Variants in TTN observed in about 807,000 individuals in gnomAD.
TTN encodes the protein connectin.
A neutral mutation model predicts 3,223.0 loss-of-function variants in TTN; 1,525 were observed. The observed-to-expected ratio is 0.47, with a 90% CI of 0.45 to 0.49. The LOEUF (loss-of-function observed/expected upper bound fraction) is 0.49. Among genes scored for constraint, TTN ranks in the 20% least tolerant of loss-of-function variants. The pLI, the probability that TTN is intolerant of heterozygous loss-of-function variation, is 0.00. For synonymous variants in TTN, 14,094 were observed against 15,161.0 expected (o/e 0.93, Z 5.17); for missense variants, 40,786 against 43,424.0 (o/e 0.94, Z 5.40).
rs1053049218 is a variant in TTN at position 178,673,515 on chromosome 2, T to C, written c.34786+118A>G. The stretch of plus-strand genomic sequence containing the variant: ...ATGGAATGAGTTATATTTTTACTGG[T>C]CCTTAATCAGTTCACTATCTAAATG... On this transcript the variant is annotated intron_variant, in intron 152 of 362. Transcript: ENST00000589042. 3.1e-5 allele frequency: 20 copies of C among 649,946 alleles called. No individual in the cohort carries two copies. In the African/African-American group the frequency reaches 3.6e-4, roughly 12 times the overall value. The allele number at this position is 649,946 out of a possible 1,614,324, so 40.3% of individuals were successfully genotyped here.
chr2:178,537,111 G>C lies in TTN; in HGVS notation c.99998C>G (p.Ala33333Gly), dbSNP rs746653975. ...CAATTGCCATTCAGCCCCCTCCTTG[G>C]CCTCACATTTTTCCACCACATAGTT... The part of the protein sequence containing the change: ...ITNYVVEKCE[A>G]KEGAEWQLVS... The change falls in exon 356 of 363, where the codon GCC becomes GGC. Residue 33333 changes from alanine (A) to glycine (G), a missense_variant. Physicochemically the swap from Ala to Gly is moderately conservative, Grantham distance 60. Transcript: ENST00000589042. 1 of 1,613,228 alleles carries C rather than the reference G, an allele frequency of 6.2e-7. No homozygotes were observed. The highest frequency in any genetic ancestry group is 1.7e-5 in the Admixed American group (1 of 59,916).
Position 178,807,352 on chromosome 2 carries a change from T to A in TTN, c.-154A>T, listed in dbSNP as rs2094356389. On this transcript the variant is annotated 5_prime_UTR_variant, in exon 1 of 363. Coordinates refer to ENST00000589042, the MANE Select transcript of TTN (RefSeq NM_001267550.2). ...TAATCCTAAAAACAAAACTACACAG[T>A]CAAGACTGTGTAGTTTTGCTTTTCT... The A allele has an allele frequency of 6.6e-6, 1 of 152,108 alleles. No individual in the cohort carries two copies. The highest frequency in any genetic ancestry group is 6.5e-5 in the Admixed American group (1 of 15,286). The allele number at this position is 152,108 out of a possible 1,614,324, so 9.4% of individuals were successfully genotyped here.
At position 178,797,693 on chromosome 2, in the gene TTN, T is replaced by C. The variant is rs182414736; in HGVS notation, c.914+1794A>G. Among the ~76,000 whole-genome samples the C allele has an allele frequency of 4.8e-3, 735 of 152,280 alleles. 9 individuals are homozygous for C. The highest frequency in any genetic ancestry group is 0.017 in the African/African-American group (705 of 41,576). ...TTTTATGTTTATTGTGATACTTTTATGGCAGAGGCAATGAAGTACCTTGAG... is the reference window on the plus strand; with the variant it reads ...TTTTATGTTTATTGTGATACTTTTACGGCAGAGGCAATGAAGTACCTTGAG... On this transcript the variant is annotated intron_variant, in intron 6 of 362. Transcript: ENST00000589042.
Position 178,675,757 on chromosome 2 carries a change from T to G in TTN, c.34454-3A>C. 2 of 1,478,488 alleles carry G rather than the reference T, an allele frequency of 1.4e-6. No individual in the cohort carries two copies. The highest frequency in any genetic ancestry group is 1.8e-6 in the Non-Finnish European group (2 of 1,120,678). The allele number at this position is 1,478,488 out of a possible 1,614,324, so 91.6% of individuals were successfully genotyped here. A position where few individuals can be genotyped will look rare whatever the true frequency, so the allele number is the denominator to read the frequency against. On this transcript the variant is annotated splice_polypyrimidine_tract_variant and splice_region_variant and intron_variant, in intron 148 of 362. Transcript: ENST00000589042. ...AGGTTTCTTAGGTACCACAGACACT[T>G]TAAAAATATTATTTTATTTTATAAG...
chr2:178,546,809 C>T lies in TTN; in HGVS notation c.94619G>A (p.Gly31540Asp). Residue 31540 changes from glycine to aspartate, a missense_variant, in exon 341 of 363, where the codon GGC becomes GAC. Gly to Asp is a moderately conservative substitution (Grantham distance 94, BLOSUM62 -1). Transcript: ENST00000589042. ...PAYDGGSKVV[G>D]YIIERKPVSE... ...GACTGGCTTACGCTCTATGATGTAG[C>T]CCACAACCTTGCTGCCTCCATCATA... 4 of 1,612,742 alleles carry T rather than the reference C, an allele frequency of 2.5e-6. No individual in the cohort carries two copies. The highest frequency in any genetic ancestry group is 3.4e-6 in the Non-Finnish European group (4 of 1,178,938).
chr2:178,547,525 T>C lies in TTN; in HGVS notation c.94101A>G (p.Gln31367=). ...ATTTTGTGAGATGAGTGACTTTAAT[T>C]TGAGTGCGCTTGACACTGGAATTGA... ...QLVNSSVKRT[Q]IKVTHLTKYM... The change falls in exon 339 of 363, where the codon CAA becomes CAG. Residue 31367 remains glutamine, a synonymous_variant. Coordinates refer to ENST00000589042, the MANE Select transcript of TTN (RefSeq NM_001267550.2). 1.9e-6 allele frequency: 3 copies of C among 1,613,748 alleles called. No individual in the cohort carries two copies. Among genetic ancestry groups the C allele is most frequent in the Middle Eastern group, 3.3e-4 (2 of 6,062 alleles).
In TTN at chr2:178,725,452, C is replaced by T; in HGVS notation, c.20752G>A (p.Glu6918Lys). 6.2e-7 allele frequency: 1 copy of T among 1,612,986 alleles called. No homozygotes were observed. Among genetic ancestry groups the T allele is most frequent in the Middle Eastern group, 1.7e-4 (1 of 6,050 alleles). The change falls in exon 71 of 363, where the codon GAG becomes AAG. Residue 6918 changes from glutamate to lysine, a missense_variant. By Grantham distance (56) the Glu-to-Lys change is moderately conservative. Transcript: ENST00000589042. ...NVATLQFAKA[E>K]PANAGKYICQ... is the part of the protein sequence containing the mutation. ...ATATACTTTCCAGCATTAGCTGGCT[C>T]TGCTTTTGCAAACTGTAGAGTTGCA...
intron 47 of TTN, chr2:178,751,332 C>T (rs1260210565): frequency 1.2e-6 from 2 of 1,609,398 alleles, no homozygotes; most frequent in Admixed American, 3.4e-5. Flanking sequence ...AAACTTTCAC[C>T]TACATTAAGC....
At chr2:178,738,494 G>A (rs981831848) in intron 48 of TTN, 134 bp from the exon 49 acceptor site, 4 of 1,080,534 alleles carry the variant, frequency 3.7e-6, no homozygotes, top group African/African-American at 3.2e-5. Flanking sequence ...GCAGTTTAAG[G>A]CAAGTGACTG....
In TTN at chr2:178,568,024, C is replaced by G. The variant is rs904868866; in HGVS notation, c.78108G>C (p.Leu26036Phe). Residue 26036 changes from leucine (L) to phenylalanine (F), a missense_variant, in exon 326 of 363, where the codon TTG becomes TTC. Transcript: ENST00000589042. ...HLERKERNSI[L>F]WTKVNKTIIH... The stretch of plus-strand genomic sequence containing the variant: ...TAATAGTTTTGTTGACCTTTGTCCA[C>G]AAAATACTGTTTCTTTCTTTTCTCT... The G allele has an allele frequency of 6.2e-7, 1 of 1,613,254 alleles. No homozygotes were observed. Among genetic ancestry groups the G allele is most frequent in the Non-Finnish European group, 8.5e-7 (1 of 1,179,592 alleles).
Position 178,547,628 on chromosome 2 carries a change from G to A in TTN, c.93998C>T (p.Pro31333Leu). The change falls in exon 339 of 363, where the codon CCT becomes CTT. Residue 31333 changes from proline to leucine, a missense_variant. Transcript: ENST00000589042. ...AESCVLSWGE[P>L]KDGGGTEITN... The stretch of plus-strand genomic sequence containing the variant: ...AATTTCAGTGCCTCCTCCATCTTTA[G>A]GTTCTCCCCATGACAGGACACACGA... The A allele has an allele frequency of 6.2e-7, 1 of 1,613,844 alleles. No individual in the cohort carries two copies. Among genetic ancestry groups the A allele is most frequent in the Non-Finnish European group, 8.5e-7 (1 of 1,179,816 alleles).
In TTN at chr2:178,590,866, C is replaced by T; in HGVS notation, c.60859G>A (p.Ala20287Thr). 6.2e-7 allele frequency: 1 copy of T among 1,609,720 alleles called. No homozygotes were observed. Among genetic ancestry groups the T allele is most frequent in the Non-Finnish European group, 8.5e-7 (1 of 1,176,544 alleles). The change falls in exon 304 of 363, where the codon GCA (alanine) becomes ACA (threonine). Residue 20287 changes from alanine to threonine, a missense_variant. Physicochemically the swap from Ala to Thr is moderately conservative, Grantham distance 58. Transcript: ENST00000589042. Reference protein sequence around the residue: ...KPVVTDITENAATVSWTLPKS... With the variant: ...KPVVTDITENTATVSWTLPKS... ...GGCAGGGTCCAAGACACTGTTGCTG[C>T]ATTTTCAGTAATGTCAGTAACCACT... is the stretch of plus-strand genomic sequence containing the variant.
rs777375916 is a variant in TTN at position 178,542,565 on chromosome 2, TATGA to T, written c.97193-6_97193-3del. ...GTCCTGTTGGTGGACCAGGCTTGTC[TATGA>T]AAGAGAAGAAATACAGGAAATTAAT... On this transcript the variant is annotated splice_region_variant and splice_polypyrimidine_tract_variant and intron_variant, in intron 348 of 362. Coordinates refer to ENST00000589042, the MANE Select transcript of TTN (RefSeq NM_001267550.2). 6.3e-6 allele frequency: 10 copies of T among 1,597,314 alleles called. No homozygotes were observed. The highest frequency in any genetic ancestry group is 8.6e-6 in the Non-Finnish European group (10 of 1,168,892).
At chr2:178,654,662 A>T (rs141949217) in intron 191 of TTN, 83 bp downstream of exon 191, 27,447 of 440,550 alleles carry the variant, frequency 0.062, 3,141 homozygotes, top group East Asian at 0.22. Flanking sequence ...TATCATCTTT[A>T]TGTAGTAGGA....
rs750298083 is a variant in TTN at position 178,573,416 on chromosome 2, A to T, written c.72716T>A (p.Met24239Lys). The T allele has an allele frequency of 9.6e-5, 146 of 1,519,826 alleles. No homozygotes were observed. Among genetic ancestry groups the T allele is most frequent in the Non-Finnish European group, 1.2e-4 (135 of 1,136,766 alleles). 94.1% of individuals were successfully genotyped at this position (1,519,826 alleles called of 1,614,324 possible). Reference sequence around the variant, plus strand: ...ATCAGGATGTCCCCAGCAGACAACCATCGAATCTTTAGTAATAGTTGTCAC... The same window carrying T: ...ATCAGGATGTCCCCAGCAGACAACCTTCGAATCTTTAGTAATAGTTGTCAC... ...PEVTTITKDSMVVCWGHPDSD... is the reference protein window; with the variant it reads ...PEVTTITKDSKVVCWGHPDSD... The change falls in exon 326 of 363, where the codon ATG becomes AAG. Residue 24239 changes from methionine (M) to lysine (K), a missense_variant. Coordinates refer to ENST00000589042, the MANE Select transcript of TTN (RefSeq NM_001267550.2).
chr2:178,641,461 A>G (rs144262455), intron 219 of TTN, 146 bp from the exon 220 acceptor site: 79 of 490,294 alleles, frequency 1.6e-4, no homozygotes, highest in African/African-American at 1.6e-3. Context: ...ATTTACACCG[A>G]AAGTGTTTTT....
intron 180 of TTN, among the ~76,000 whole-genome samples, chr2:178,660,760 A>T (rs1187922650): frequency 6.6e-6 from 1 of 152,304 alleles, no homozygotes; most frequent in Non-Finnish European, 1.5e-5. Context: ...AATGGGAGAA[A>T]ATTTTTGCAA....
chr2:178,602,649 G>A, intron 282 of TTN, 59 bp from the exon 283 acceptor site: 6 of 1,310,534 alleles, frequency 4.6e-6, no homozygotes, highest in Non-Finnish European at 6.1e-6. Flanking sequence ...AAGTGCTGGA[G>A]TCTTTTACTA....
intron 12 of TTN, 111 bp from the exon 13 acceptor site, chr2:178,789,608 A>AAACTTT: frequency 7.2e-7 from 1 of 1,389,562 alleles, no homozygotes; most frequent in Non-Finnish European, 1.0e-6. Flanking sequence ...AGGGTTAAAT[A>AAACTTT]CACAAGAGAA....
Sources: allele counts gnomAD v4.1 joint callset (sites outside exome capture counted in the v4.1 genomes callset), GRCh38; gene constraint gnomAD v4.1.1; transcripts MANE v1.5; gene names NCBI Gene and HGNC (gene_info 2026-07-23, HGNC 2026-07-21).